CSGALNACT1: variants seen among roughly 807,000 people sequenced by gnomAD.
CSGALNACT1 encodes beta4GalNAcT-1.
A neutral mutation model predicts 51.0 loss-of-function variants in CSGALNACT1; 52 were observed. That is an observed-to-expected ratio of 1.02 (90% CI 0.82 to 1.29). The LOEUF (loss-of-function observed/expected upper bound fraction) is 1.29. Among genes scored for constraint, CSGALNACT1 ranks in the 50% most tolerant of loss-of-function variants. CSGALNACT1 has a pLI of 0.00. For synonymous variants in CSGALNACT1, 341 were observed against 254.4 expected (o/e 1.34, Z -3.24); for missense variants, 935 against 679.2 (o/e 1.38, Z -4.19).
chr8:19,486,040 A>G (rs1309827982), intron 4 of CSGALNACT1, among the ~76,000 whole-genome samples: 2 of 151,822 alleles, frequency 1.3e-5, no homozygotes, highest in African/African-American at 4.8e-5. Context: ...TGCTGGGATT[A>G]CAGGCGTGAG....
chr8:19,508,181 GAA>G (rs563576053), intron 3 of CSGALNACT1, among the ~76,000 whole-genome samples: 162 of 152,344 alleles, frequency 1.1e-3, no homozygotes, highest in Non-Finnish European at 1.9e-3. Context: ...ACCCTTGGGA[GAA>G]AAGAGAGAGA....
In CSGALNACT1 at chr8:19,485,934, T is replaced by C. The variant is rs1229988122; in HGVS notation, c.634+19267A>G. Among the ~76,000 whole-genome samples, 4 of 151,676 alleles carry C rather than the reference T, an allele frequency of 2.6e-5. No homozygotes were observed. The East Asian group carries it at 7.8e-4, about 30-fold the overall frequency. On this transcript the variant is annotated intron_variant, in intron 4 of 9. Coordinates refer to ENST00000454498, the Ensembl canonical transcript of CSGALNACT1. ...GGCACACGCCACCACATCTGGCTAA[T>C]TTTGTATTTTTAGTAAAGACAGGGT... is the stretch of plus-strand genomic sequence containing the variant.
chr8:19,684,913 G>C (rs1410449685), upstream of CSGALNACT1, among the ~76,000 whole-genome samples: 1 of 152,188 alleles, frequency 6.6e-6, no homozygotes, highest in African/African-American at 2.4e-5. Flanking sequence ...TTAAAAAAAT[G>C]TGTGAATTTC....
intron 3 of CSGALNACT1, among the ~76,000 whole-genome samples, chr8:19,588,741 C>T (rs2047191044): frequency 6.6e-6 from 1 of 152,016 alleles, no homozygotes; most frequent in South Asian, 2.1e-4. Flanking sequence ...GAAATTATTC[C>T]AGCTGCTCTG....
intron 3 of CSGALNACT1, among the ~76,000 whole-genome samples, chr8:19,511,382 C>T (rs2078437668): frequency 2.6e-5 from 4 of 152,202 alleles, no homozygotes; most frequent in Admixed American, 2.6e-4. Flanking sequence ...AGGGCACAAA[C>T]TAACCTTCAA....
At chr8:19,692,456 G>C (rs1208881144) in intron 1 of CSGALNACT1, among the ~76,000 whole-genome samples, 1 of 152,166 alleles carries the variant, frequency 6.6e-6, no homozygotes, top group Non-Finnish European at 1.5e-5. Flanking sequence ...TGTGTTCAAT[G>C]TCTACGCTCA....
rs1489409173 is a variant in CSGALNACT1, at chr8:19,536,904, C to CG, written c.-296-30775dup. 3.4e-4 allele frequency among the ~76,000 whole-genome samples: 51 copies of CG among 152,178 alleles called. No homozygotes were observed. The Middle Eastern group carries it at 0.01, about 30-fold the overall frequency. On this transcript the variant is annotated intron_variant, in intron 3 of 9. Transcript: ENST00000454498. ...TCACAAAGGTACAGAAGTAATTCAACGGGGGTAAACAGCCTTTTCAACAAA... is the reference window on the plus strand; with the variant it reads ...TCACAAAGGTACAGAAGTAATTCAACGGGGGGTAAACAGCCTTTTCAACAAA...
rs552261305 is a variant in CSGALNACT1, at chr8:19,569,700, C to A, written c.-297+21460G>T. The stretch of plus-strand genomic sequence containing the variant: ...TTATCAGTGTGTTCTAAAGATAAAC[C>A]TAGGCCTATGCTATGACCCAGTAAG... On this transcript the variant is annotated intron_variant, in intron 3 of 9. Coordinates refer to ENST00000454498, the Ensembl canonical transcript of CSGALNACT1. 2.1e-3 allele frequency among the ~76,000 whole-genome samples: 320 copies of A among 152,178 alleles called. 1 individual carries two copies. Among genetic ancestry groups the A allele is most frequent in the Middle Eastern group, 0.014 (4 of 294 alleles).
intron 2 of CSGALNACT1, among the ~76,000 whole-genome samples, chr8:19,594,565 T>G (rs1209358993): frequency 6.6e-6 from 1 of 152,080 alleles, no homozygotes; most frequent in Non-Finnish European, 1.5e-5. Context: ...CATTCCAACT[T>G]TAGGTCGTGA....
rs1236109902 is a variant in CSGALNACT1, at chr8:19,757,002, C to CA, written c.-297+847_-297+848insT. On this transcript the variant is annotated intron_variant, in intron 1 of 1. Coordinates refer to the CSGALNACT1 transcript ENST00000517494. This position sits in a 1 kb window ranked among gnomAD's most constrained non-coding sequence, Gnocchi z 4.0. Reference sequence around the variant, plus strand: ...CGGCCCCTGCCCGTGCCCTGGGCCCCCGGCGGGCAGCGGCGGAGGGAGGCC... The same window carrying CA: ...CGGCCCCTGCCCGTGCCCTGGGCCCCACGGCGGGCAGCGGCGGAGGGAGGCC... 2.7e-5 allele frequency among the ~76,000 whole-genome samples: 4 copies of CA among 150,886 alleles called. No individual in the cohort carries two copies. The highest frequency in any genetic ancestry group is 2.6e-4 in the Admixed American group (4 of 15,158).
At chr8:19,589,113 A>T (rs142440110) in intron 3 of CSGALNACT1, among the ~76,000 whole-genome samples, 1 of 152,062 alleles carries the variant, frequency 6.6e-6, no homozygotes, top group Non-Finnish European at 1.5e-5. Flanking sequence ...ATGCTATTCC[A>T]TTCTTTCTAG....
Position 19,485,759 on chromosome 8 carries a change from CTT to C in CSGALNACT1, c.634+19440_634+19441del, listed in dbSNP as rs386412239. 5.0e-3 allele frequency among the ~76,000 whole-genome samples: 194 copies of C among 38,504 alleles called. 1 individual carries two copies. Among genetic ancestry groups the C allele is most frequent in the Middle Eastern group, 0.029 (1 of 34 alleles). 25.3% of individuals were successfully genotyped at this position (38,504 alleles called of 152,430 possible). On this transcript the variant is annotated intron_variant, in intron 4 of 9. Transcript: ENST00000454498. ...AAAGTCTCACTGCCACCTCAGCTTG[CTT>C]TTTTTTTTTTTTTTTTTTTTTTTTG...
chr8:19,683,454 G>T (rs1432972558), upstream of CSGALNACT1, among the ~76,000 whole-genome samples: 1 of 152,182 alleles, frequency 6.6e-6, no homozygotes, highest in Non-Finnish European at 1.5e-5. Flanking sequence ...GTTTGGTAAG[G>T]TGTCAAGTTC....
chr8:19,481,567 A>G (rs2071404071), intron 4 of CSGALNACT1, among the ~76,000 whole-genome samples: 1 of 152,152 alleles, frequency 6.6e-6, no homozygotes, highest in Non-Finnish European at 1.5e-5. Flanking sequence ...GTGGGGACAC[A>G]CTTAAGAACA....
intron 4 of CSGALNACT1, among the ~76,000 whole-genome samples, chr8:19,486,879 G>A (rs1382809404): frequency 1.3e-5 from 2 of 152,132 alleles, no homozygotes; most frequent in African/African-American, 4.8e-5. Flanking sequence ...CATTGCCTGG[G>A]ACAGTACCTG....
At chr8:19,500,711 C>T (rs1300570209) in intron 4 of CSGALNACT1, among the ~76,000 whole-genome samples, 1 of 152,168 alleles carries the variant, frequency 6.6e-6, no homozygotes, top group Non-Finnish European at 1.5e-5. Context: ...GTACAACCTG[C>T]TAATGTGTGT....
chr8:19,750,782 T>C (rs1681852853), intron 1 of CSGALNACT1, among the ~76,000 whole-genome samples: 1 of 152,126 alleles, frequency 6.6e-6, no homozygotes, highest in Non-Finnish European at 1.5e-5. Context: ...AACAGGTGCA[T>C]AAAAATGTTT....
intron 2 of CSGALNACT1, among the ~76,000 whole-genome samples, chr8:19,599,472 A>ATAAGAAAGAAAG (rs1554751246): frequency 1.9e-4 from 22 of 113,806 alleles, no homozygotes; most frequent in Admixed American, 8.0e-4. Context: ...GAAAGAAAGA[A>ATAAGAAAGAAAG]AAAGAAAGAA....
intron 1 of CSGALNACT1, among the ~76,000 whole-genome samples, chr8:19,730,052 T>G (rs1462876167): frequency 6.6e-6 from 1 of 152,172 alleles, no homozygotes; most frequent in African/African-American, 2.4e-5. Context: ...CCCACCAGAC[T>G]AGAGACCTTT....
Sources: allele counts gnomAD v4.1 joint callset (sites outside exome capture counted in the v4.1 genomes callset), GRCh38; gene constraint gnomAD v4.1.1; non-coding constraint Gnocchi (gnomAD v3.1); transcripts MANE v1.5; gene names NCBI Gene and HGNC (gene_info 2026-07-23, HGNC 2026-07-21).